Variants in NUP210L observed in about 807,000 individuals in gnomAD.
The protein encoded by NUP210L is nuclear pore membrane glycoprotein 210-like.
Under a neutral mutation model 208.5 loss-of-function variants are expected in NUP210L, and 74 were observed. The ratio of observed to expected loss-of-function variants is 0.35; its 90% CI spans 0.29 to 0.43. The LOEUF (loss-of-function observed/expected upper bound fraction) is 0.43, where lower values mean the gene tolerates loss of function less well. NUP210L is among the 20% of genes least tolerant of loss of function. NUP210L has a pLI of 1.00. For synonymous variants in NUP210L, 780 were observed against 816.9 expected, an observed-to-expected ratio of 0.95 and a Z score of 0.77; for missense variants, 1,843 against 2,289.4, an observed-to-expected ratio of 0.81 and a Z score of 3.98.
chr1:154,155,104 A>G, exon 1 of NUP210L: 1 of 1,262,964 alleles, frequency 7.9e-7, no homozygotes, highest in South Asian at 1.3e-5. Context: ...TCCATCAGCC[A>G]ATCCACAGGC....
At chr1:154,008,034 G>A (rs1650667068) in intron 35 of NUP210L, among the ~76,000 whole-genome samples, 1 of 151,464 alleles carries the variant, frequency 6.6e-6, no homozygotes, top group African/African-American at 2.4e-5. Flanking sequence ...ACCATGCCTG[G>A]CTAATTTTTG....
chr1:154,053,116 C>G (rs1355898991), intron 25 of NUP210L, among the ~76,000 whole-genome samples: 1 of 152,208 alleles, frequency 6.6e-6, no homozygotes, highest in African/African-American at 2.4e-5. Context: ...GGACACTCTG[C>G]AAACTTGTCT....
Position 154,155,110 on chromosome 1 carries a change from C to T in NUP210L, c.-66G>A. 2.5e-5 allele frequency: 29 copies of T among 1,181,780 alleles called. 2 individuals are homozygous for T. The South Asian group carries it at 3.8e-4, about 15-fold the overall frequency. 73.2% of individuals were successfully genotyped at this position (1,181,780 alleles called of 1,614,324 possible). On this transcript the variant is annotated 5_prime_UTR_variant, in exon 1 of 40. Transcript: ENST00000368559. ...GCTCACAGCTCCATCAGCCAATCCACAGGCGTGACGTCAGCAGAGGGGGAT... is the reference window on the plus strand; with the variant it reads ...GCTCACAGCTCCATCAGCCAATCCATAGGCGTGACGTCAGCAGAGGGGGAT...
At chr1:153,999,830 C>CT (rs757776667) in intron 37 of NUP210L, among the ~76,000 whole-genome samples, 1,673 of 138,930 alleles carry the variant, frequency 0.012, 14 homozygotes, top group African/African-American at 0.032. Context: ...ATTCTTTTTC[C>CT]TTTTTTTTTT....
At chr1:154,042,115 T>A (rs1040112960) in intron 27 of NUP210L, among the ~76,000 whole-genome samples, 5 of 152,052 alleles carry the variant, frequency 3.3e-5, no homozygotes, top group Admixed American at 1.3e-4. Flanking sequence ...TTTTTTTTTT[T>A]CTGAGACAGG....
At chr1:154,126,058 G>A (rs542938126) in intron 10 of NUP210L, among the ~76,000 whole-genome samples, 7 of 151,860 alleles carry the variant, frequency 4.6e-5, no homozygotes, top group African/African-American at 9.7e-5. Context: ...GTGAGCCACC[G>A]CGCCCGGCCA....
chr1:154,078,098 A>C (rs1655133924), intron 16 of NUP210L, among the ~76,000 whole-genome samples: 1 of 151,780 alleles, frequency 6.6e-6, no homozygotes. Context: ...TGAGCCCAGG[A>C]GTTCAAGACC....
At position 154,139,634 on chromosome 1, in the gene NUP210L, G is replaced by A. The variant is rs139544203; in HGVS notation, c.717+168C>T. ...GCTTGAGCTCAGAAGTTTGAGACCA[G>A]CCTGGGCAACCTGGTGAAACCCTGT... On this transcript the variant is annotated intron_variant, in intron 5 of 39. Coordinates refer to ENST00000368559, the Ensembl canonical transcript of NUP210L. 7.5e-3 allele frequency among the ~76,000 whole-genome samples: 1,133 copies of A among 151,566 alleles called. 11 individuals carry two copies. Among genetic ancestry groups the A allele is most frequent in the African/African-American group, 0.026 (1,091 of 41,264 alleles).
At chr1:154,152,793 T>C in exon 2 of NUP210L, 1 of 1,614,080 alleles carries the variant, frequency 6.2e-7, no homozygotes, top group Non-Finnish European at 8.5e-7. Flanking sequence ...GATTCAGCAA[T>C]GAGTACAGCT....
chr1:154,001,803 G>A (rs1650230612), exon 36 of NUP210L: 1 of 1,613,956 alleles, frequency 6.2e-7, no homozygotes, highest in South Asian at 1.1e-5. Context: ...TTGTGGCTAA[G>A]AACCAATTCT....
At chr1:154,090,543 G>C (rs990085097) in intron 15 of NUP210L, among the ~76,000 whole-genome samples, 1 of 152,202 alleles carries the variant, frequency 6.6e-6, no homozygotes, top group Non-Finnish European at 1.5e-5. Flanking sequence ...CAGTGCGGTG[G>C]CTCACACCTG....
At chr1:154,001,640 C>A in intron 36 of NUP210L, 95 bp downstream of exon 36, 1 of 1,263,946 alleles carries the variant, frequency 7.9e-7, no homozygotes, top group Non-Finnish European at 1.1e-6. Context: ...TTTATTAGGT[C>A]ACTCAGTAAC....
At chr1:154,045,407 T>C (rs1362825320) in intron 27 of NUP210L, among the ~76,000 whole-genome samples, 7 of 152,222 alleles carry the variant, frequency 4.6e-5, no homozygotes, top group Non-Finnish European at 4.4e-5. Context: ...TTATACTTTA[T>C]GCATATACTT....
intron 33 of NUP210L, among the ~76,000 whole-genome samples, chr1:154,013,022 A>AAAC (rs1209943009): frequency 6.7e-6 from 1 of 149,928 alleles, no homozygotes; most frequent in Non-Finnish European, 1.5e-5. Context: ...AAAAAAAAAA[A>AAAC]AACAAAGACG....
intron 38 of NUP210L, among the ~76,000 whole-genome samples, chr1:153,994,338 G>A (rs1296061910): frequency 2.0e-5 from 3 of 151,248 alleles, no homozygotes; most frequent in South Asian, 2.1e-4. Flanking sequence ...TTTTTGAAAC[G>A]GAGTCTTGCT....
At chr1:154,145,105 C>CA (rs1659051202) in intron 2 of NUP210L, among the ~76,000 whole-genome samples, 2 of 149,786 alleles carry the variant, frequency 1.3e-5, no homozygotes, top group Non-Finnish European at 3.0e-5. Context: ...GAGACTGTCT[C>CA]AAAAAAACAA....
exon 28 of NUP210L, chr1:154,029,907 C>T: frequency 6.2e-7 from 1 of 1,606,772 alleles, no homozygotes; most frequent in Non-Finnish European, 8.5e-7. Context: ...AGGATCTGTA[C>T]TTCATCAGAG....
At chr1:154,014,033 G>A (rs1468899552) in intron 33 of NUP210L, among the ~76,000 whole-genome samples, 3 of 152,066 alleles carry the variant, frequency 2.0e-5, no homozygotes, top group African/African-American at 7.2e-5. Flanking sequence ...TAAAAGTGCT[G>A]GGATTACAGG....
chr1:154,047,871 G>A (rs1182453145), intron 25 of NUP210L, among the ~76,000 whole-genome samples: 1 of 152,070 alleles, frequency 6.6e-6, no homozygotes, highest in African/African-American at 2.4e-5. Flanking sequence ...CCATACGTGG[G>A]GCTCCAACCT....
Sources: gnomAD v4.1 joint callset for allele counts (sites outside exome capture counted in the v4.1 genomes callset) on GRCh38, gnomAD v4.1.1 for gene constraint, MANE v1.5 for transcripts, NCBI Gene and HGNC (gene_info 2026-07-23, HGNC 2026-07-21) for gene names.